The following RAP1A variants were observed in gnomAD, a reference collection of about 807,000 sequenced individuals.
RAP1A encodes ras-related protein Rap-1A.
A neutral mutation model predicts 26.4 loss-of-function variants in RAP1A; 6 were observed. The observed-to-expected ratio is 0.23, with a 90% CI of 0.12 to 0.45. The LOEUF is 0.45. Among genes scored for constraint, RAP1A ranks in the 20% least tolerant of loss-of-function variants. The pLI is 0.99. For missense variants in RAP1A, 121 were observed against 217.2 expected (o/e 0.56, Z 2.78); for synonymous variants, 73 against 79.4 (o/e 0.92, Z 0.43).
intron 1 of RAP1A, among the ~76,000 whole-genome samples, chr1:111,561,975 T>A (rs1233432176): frequency 3.3e-5 from 5 of 151,902 alleles, no homozygotes; most frequent in Non-Finnish European, 7.4e-5. Flanking sequence ...ATCCCTAGTT[T>A]AAATTTCTGC....
At chr1:111,559,213 G>A (rs1480082150) in intron 1 of RAP1A, among the ~76,000 whole-genome samples, 1 of 152,044 alleles carries the variant, frequency 6.6e-6, no homozygotes, top group Non-Finnish European at 1.5e-5. Context: ...AGTCTTAATT[G>A]CCTATATGAG....
At chr1:111,652,266 A>G (rs79861045) in intron 1 of RAP1A, among the ~76,000 whole-genome samples, 1,849 of 152,326 alleles carry the variant, frequency 0.012, 38 homozygotes, top group African/African-American at 0.042. Flanking sequence ...GACCCAGTTC[A>G]AGTATTTTTA....
intron 6 of RAP1A, among the ~76,000 whole-genome samples, chr1:111,705,102 TGGGTGTAAA>T (rs1662147368): frequency 6.6e-6 from 1 of 152,206 alleles, no homozygotes; most frequent in African/African-American, 2.4e-5. Context: ...GCTGCATGCC[TGGGTGTAAA>T]GGGCCAACAG....
At chr1:111,578,325 A>G (rs1658185548) in intron 1 of RAP1A, among the ~76,000 whole-genome samples, 1 of 152,042 alleles carries the variant, frequency 6.6e-6, no homozygotes, top group Non-Finnish European at 1.5e-5. Flanking sequence ...GTAGAGCAAT[A>G]GATAAGGTTA....
intron 1 of RAP1A, among the ~76,000 whole-genome samples, chr1:111,623,599 G>C (rs2477424): frequency 0.87 from 131,852 of 152,094 alleles, 57,384 homozygotes; most frequent in African/African-American, 0.92. Flanking sequence ...TTAGTAGAGA[G>C]AGAGTTTCAC....
intron 1 of RAP1A, among the ~76,000 whole-genome samples, chr1:111,656,555 C>T (rs1415669687): frequency 2.6e-5 from 4 of 152,128 alleles, no homozygotes; most frequent in African/African-American, 9.7e-5. Context: ...TGCTTTTGTC[C>T]TGGGTTATTA....
rs115756995 is a variant in RAP1A at position 111,708,772 on chromosome 1, C to T, written c.469-377C>T. Among the ~76,000 whole-genome samples the T allele has an allele frequency of 5.5e-3, 842 of 152,016 alleles. 8 individuals carry two copies. The highest frequency in any genetic ancestry group is 0.019 in the African/African-American group (795 of 41,456). On this transcript the variant is annotated intron_variant, in intron 6 of 7. Transcript: ENST00000369709. ...GATTCAGAAAGTGTGTGTGTGTGCA[C>T]GTGTGTGTGTATGTATGTGTAGTAA...
intron 1 of RAP1A, among the ~76,000 whole-genome samples, chr1:111,620,252 C>T (rs989579828): frequency 1.3e-5 from 2 of 152,250 alleles, no homozygotes; most frequent in Admixed American, 1.3e-4. Context: ...GTCCCCCACC[C>T]TTCAGCTCCC....
chr1:111,706,388 T>C (rs1662192403), intron 6 of RAP1A, among the ~76,000 whole-genome samples: 1 of 152,060 alleles, frequency 6.6e-6, no homozygotes, highest in Non-Finnish European at 1.5e-5. Context: ...AAAATTCACC[T>C]CTTGGCCTTA....
chr1:111,656,715 TC>T (rs1025708891), intron 1 of RAP1A, among the ~76,000 whole-genome samples: 1 of 151,452 alleles, frequency 6.6e-6, no homozygotes, highest in East Asian at 1.9e-4. Context: ...TATACATGGT[TC>T]CCCCCCGCCA....
At chr1:111,550,482 T>C (rs1293833175) in intron 1 of RAP1A, among the ~76,000 whole-genome samples, 6 of 152,230 alleles carry the variant, frequency 3.9e-5, no homozygotes, top group Non-Finnish European at 7.3e-5. Context: ...TAAATTTCCC[T>C]CTAAGCATTC....
chr1:111,574,251 A>G (rs557611790), intron 1 of RAP1A, among the ~76,000 whole-genome samples: 4 of 152,280 alleles, frequency 2.6e-5, no homozygotes, highest in African/African-American at 9.6e-5. Flanking sequence ...AGCTTTGTCG[A>G]AGATCAGATG....
Position 111,691,333 on chromosome 1 carries a change from G to T in RAP1A, c.-27-1G>T. 1 of 1,600,778 alleles carries T rather than the reference G, an allele frequency of 6.2e-7. No homozygotes were observed. Among genetic ancestry groups the T allele is most frequent in the Non-Finnish European group, 8.5e-7 (1 of 1,169,824 alleles). On this transcript the variant is annotated splice_acceptor_variant, in intron 1 of 7. Coordinates refer to ENST00000369709, the MANE Select transcript of RAP1A (RefSeq NM_002884.4). LOFTEE classifies it low-confidence loss of function (5UTR_SPLICE). ...CTTTGATTTTTTTGTTTGTTTTTCA[G>T]ATCGTCAGTATTTAAACAGATCACA...
At chr1:111,610,547 CA>C (rs1658908111) in intron 1 of RAP1A, among the ~76,000 whole-genome samples, 5 of 114,698 alleles carry the variant, frequency 4.4e-5, no homozygotes. Flanking sequence ...CACACACACA[CA>C]CACACACACA....
chr1:111,638,766 TTGGACCAGA>T (rs1332722402), intron 1 of RAP1A, among the ~76,000 whole-genome samples: 2 of 152,222 alleles, frequency 1.3e-5, no homozygotes, highest in African/African-American at 4.8e-5. Flanking sequence ...TACTCTGGTA[TTGGACCAGA>T]TGTTAATTAC....
At chr1:111,637,920 T>C (rs1465096883) in intron 1 of RAP1A, among the ~76,000 whole-genome samples, 3 of 152,232 alleles carry the variant, frequency 2.0e-5, no homozygotes, top group Middle Eastern at 3.4e-3. Context: ...TTCCAAAAAG[T>C]AGAATTACTT....
intron 1 of RAP1A, among the ~76,000 whole-genome samples, chr1:111,690,838 T>C (rs554156551): frequency 1.0e-3 from 156 of 152,350 alleles, no homozygotes; most frequent in African/African-American, 3.6e-3. Flanking sequence ...GTTCACATCT[T>C]TAATTATTTT....
At chr1:111,545,754 C>T (rs958177603) in intron 1 of RAP1A, among the ~76,000 whole-genome samples, 4 of 152,092 alleles carry the variant, frequency 2.6e-5, no homozygotes, top group Admixed American at 2.0e-4. Flanking sequence ...GTTATTTTAG[C>T]TCTTATAGTT....
intron 1 of RAP1A, among the ~76,000 whole-genome samples, chr1:111,594,508 G>A (rs1658526285): frequency 6.7e-6 from 1 of 149,870 alleles, no homozygotes; most frequent in African/African-American, 2.5e-5. Context: ...CAGATGGAAG[G>A]AAGGAAGGGG....
Sources: gnomAD v4.1 joint callset for allele counts (sites outside exome capture counted in the v4.1 genomes callset) on GRCh38, gnomAD v4.1.1 for gene constraint, MANE v1.5 for transcripts, NCBI Gene and HGNC (gene_info 2026-07-23, HGNC 2026-07-21) for gene names.